DELE1: variants seen among roughly 807,000 people sequenced by gnomAD.
DELE1 encodes DAP3 binding cell death enhancer 1.
A neutral mutation model predicts 59.3 loss-of-function variants in DELE1; 54 were observed. That is an observed-to-expected ratio of 0.91 (90% CI 0.73 to 1.14). DELE1 has a LOEUF of 1.14. Among genes scored for constraint, DELE1 ranks in the 50% most tolerant of loss-of-function variants. The pLI is 0.00. For synonymous variants in DELE1, 264 were observed against 259.1 expected (o/e 1.02, Z -0.18); for missense variants, 636 against 643.9 (o/e 0.99, Z 0.13).
intron 11 of DELE1, among the ~76,000 whole-genome samples, chr5:141,937,770 C>CTAA (rs1752486054): frequency 5.2e-4 from 32 of 61,244 alleles, no homozygotes; most frequent in African/African-American, 1.7e-3. Flanking sequence ...GATTCTGTTT[C>CTAA]AAAAAAAAAA....
rs546789322 is a variant in DELE1 at position 141,928,297 on chromosome 5, C to T, written c.411C>T (p.Ser137=). 3 of 1,613,856 alleles carry T rather than the reference C, an allele frequency of 1.9e-6. No individual in the cohort carries two copies. The African/African-American group carries it at 4.0e-5, about 22-fold the overall frequency. ...FFSSPLWHPC[S]SLRQHILPSP... is the part of the protein sequence containing the mutation. The stretch of plus-strand genomic sequence containing the variant: ...CATCTCCCTTGTGGCACCCATGCTC[C>T]TGTGAGTTCTCAGTCCTGGGGACAG... Residue 137 remains serine, a splice_region_variant and synonymous_variant, in exon 4 of 12, where the codon TCC becomes TCT. Coordinates refer to ENST00000432126, the MANE Select transcript of DELE1 (RefSeq NM_014773.5).
Position 141,940,844 on chromosome 5 carries a change from T to C in DELE1, c.*2085T>C. The C allele has an allele frequency of 2.0e-6, 2 of 985,470 alleles. No individual in the cohort carries two copies. Among genetic ancestry groups the C allele is most frequent in the Non-Finnish European group, 2.4e-6 (2 of 829,942 alleles). The allele number at this position is 985,470 out of a possible 1,614,324, so 61.0% of individuals were successfully genotyped here. A position where few individuals can be genotyped will look rare whatever the true frequency, so the allele number is the denominator to read the frequency against. On this transcript the variant is annotated 3_prime_UTR_variant, in exon 12 of 12. Transcript: ENST00000432126. The stretch of plus-strand genomic sequence containing the variant: ...AAGCTCAGGGTTTTAAGCTGTGCAG[T>C]GCACTAAGCTCTCTGCCAAAAAACA...
Position 141,929,463 on chromosome 5 carries a change from T to G in DELE1, c.413-119T>G, listed in dbSNP as rs1751704774. On this transcript the variant is annotated intron_variant, in intron 4 of 11. Coordinates refer to ENST00000432126, the MANE Select transcript of DELE1 (RefSeq NM_014773.5). ...TGGGGTTTCACCATGTTGGCCAGGC[T>G]GGTCTTGAACTCCTGACCTCAGGTG... 19 of 1,017,310 alleles carry G rather than the reference T, an allele frequency of 1.9e-5. No individual in the cohort carries two copies. In the South Asian group the frequency reaches 2.9e-4, roughly 16 times the overall value. The allele number at this position is 1,017,310 out of a possible 1,614,324, so 63.0% of individuals were successfully genotyped here. A position where few individuals can be genotyped will look rare whatever the true frequency, so the allele number is the denominator to read the frequency against.
At chr5:141,931,064 T>C (rs555148833) in intron 7 of DELE1, among the ~76,000 whole-genome samples, 1 of 152,284 alleles carries the variant, frequency 6.6e-6, no homozygotes, top group East Asian at 1.9e-4. Flanking sequence ...TTGATAGATG[T>C]TATGAAGAAA....
intron 4 of DELE1, among the ~76,000 whole-genome samples, chr5:141,928,729 C>T (rs1283050300): frequency 6.6e-6 from 1 of 152,192 alleles, no homozygotes; most frequent in Non-Finnish European, 1.5e-5. Context: ...CCCAAAATTG[C>T]TGCATACTAG....
chr5:141,930,415 G>A (rs558978648), intron 7 of DELE1, 141 bp downstream of exon 7: 1 of 637,088 alleles, frequency 1.6e-6, no homozygotes. Flanking sequence ...ATCTGGCATG[G>A]CAGGGACCCA....
chr5:141,934,169 A>T, intron 8 of DELE1, 71 bp from the exon 9 acceptor site: 1 of 1,347,338 alleles, frequency 7.4e-7, no homozygotes, highest in Non-Finnish European at 9.9e-7. Context: ...AATAATTTTT[A>T]AAAATTTCAC....
chr5:141,931,286 T>G (rs754481434), intron 7 of DELE1: 1 of 151,790 alleles, frequency 6.6e-6, no homozygotes, highest in Non-Finnish European at 1.5e-5. Context: ...GAAAGGTGAG[T>G]GTGGCTGGAG....
Position 141,928,187 on chromosome 5 carries a change from C to G in DELE1, c.301C>G (p.Gln101Glu). ...CGTGCTGGCCCTGCAGCTGGCAAGG[C>G]AGATCCACTTCCAGGCATCCCTGCC... ...LAVLALQLAR[Q>E]IHFQASLPAG... is the part of the protein sequence containing the mutation. The change falls in exon 4 of 12, where the codon CAG (glutamine) becomes GAG (glutamate). Residue 101 changes from glutamine (Q) to glutamate (E), a missense_variant. Gln to Glu is a conservative substitution (Grantham distance 29). Coordinates refer to ENST00000432126, the MANE Select transcript of DELE1 (RefSeq NM_014773.5). The G allele has an allele frequency of 6.2e-7, 1 of 1,614,166 alleles. No individual in the cohort carries two copies. The highest frequency in any genetic ancestry group is 8.5e-7 in the Non-Finnish European group (1 of 1,180,000).
At position 141,938,706 on chromosome 5, in the gene DELE1, C is replaced by G; in HGVS notation, c.1495C>G (p.Pro499Ala). Residue 499 changes from proline (P) to alanine (A), a missense_variant, in exon 12 of 12, where the codon CCC (proline) becomes GCC (alanine). Physicochemically the swap from Pro to Ala is conservative, Grantham distance 27. Transcript: ENST00000432126. ...CCTGGAAGCCTCCAGCAGGGCTATT[C>G]CCCCACACCCCTACCCACTGGAAAG... ...ASLEASSRAI[P>A]PHPYPLERSV... The G allele has an allele frequency of 6.2e-7, 1 of 1,614,022 alleles. No individual in the cohort carries two copies. The highest frequency in any genetic ancestry group is 8.5e-7 in the Non-Finnish European group (1 of 1,180,010).
rs544260285 is a variant in DELE1 at position 141,939,953 on chromosome 5, C to T, written c.*1194C>T. On this transcript the variant is annotated 3_prime_UTR_variant, in exon 12 of 12. Transcript: ENST00000432126. ...GGGTGAGGACCTGGGCCTCCTGACT[C>T]CTGGCCCAGAGTTCTTGTCCATCAG... 2.1e-5 allele frequency: 20 copies of T among 956,716 alleles called. No homozygotes were observed. Among genetic ancestry groups the T allele is most frequent in the African/African-American group, 1.2e-4 (7 of 56,716 alleles). The allele number at this position is 956,716 out of a possible 1,614,324, so 59.3% of individuals were successfully genotyped here.
Position 141,941,552 on chromosome 5 carries a change from C to T in DELE1, c.*2793C>T. ...TATTAATGACTCATCATCAGTGCCCCAGAGGAAGTGTGAGAGGACGAGAGG... is the reference window on the plus strand; with the variant it reads ...TATTAATGACTCATCATCAGTGCCCTAGAGGAAGTGTGAGAGGACGAGAGG... On this transcript the variant is annotated 3_prime_UTR_variant, in exon 12 of 12. Coordinates refer to ENST00000432126, the MANE Select transcript of DELE1 (RefSeq NM_014773.5). The T allele has an allele frequency of 1.0e-6, 1 of 985,364 alleles. No individual in the cohort carries two copies. The highest frequency in any genetic ancestry group is 4.7e-5 in the South Asian group (1 of 21,288). The allele number at this position is 985,364 out of a possible 1,614,324, so 61.0% of individuals were successfully genotyped here.
Position 141,941,632 on chromosome 5 carries a change from G to T in DELE1, c.*2873G>T, listed in dbSNP as rs746642258. The T allele has an allele frequency of 2.7e-5, 27 of 985,280 alleles. No individual in the cohort carries two copies. Among genetic ancestry groups the T allele is most frequent in the Non-Finnish European group, 3.3e-5 (27 of 829,944 alleles). The allele number at this position is 985,280 out of a possible 1,614,324, so 61.0% of individuals were successfully genotyped here. On this transcript the variant is annotated 3_prime_UTR_variant, in exon 12 of 12. Coordinates refer to ENST00000432126, the MANE Select transcript of DELE1 (RefSeq NM_014773.5). The stretch of plus-strand genomic sequence containing the variant: ...GGGTCAGGATGCTGGGTTAAAGCCC[G>T]GCGCCCTCACCAATGAGACCTTTGT...
chr5:141,941,040 T>C lies in DELE1; in HGVS notation c.*2281T>C. On this transcript the variant is annotated 3_prime_UTR_variant, in exon 12 of 12. Coordinates refer to ENST00000432126, the MANE Select transcript of DELE1 (RefSeq NM_014773.5). Reference sequence around the variant, plus strand: ...CACTGAATTGAGCCCAGAGCCCGTTTCCCTACAGATTGCTTTTGAGCCTTC... The same window carrying C: ...CACTGAATTGAGCCCAGAGCCCGTTCCCCTACAGATTGCTTTTGAGCCTTC... The C allele has an allele frequency of 1.0e-6, 1 of 985,444 alleles. No homozygotes were observed. The highest frequency in any genetic ancestry group is 1.2e-6 in the Non-Finnish European group (1 of 829,936). 61.0% of individuals were successfully genotyped at this position (985,444 alleles called of 1,614,324 possible). A position where few individuals can be genotyped will look rare whatever the true frequency, so the allele number is the denominator to read the frequency against.
At chr5:141,924,998 G>A (rs914767386) in intron 2 of DELE1, among the ~76,000 whole-genome samples, 1 of 151,968 alleles carries the variant, frequency 6.6e-6, no homozygotes, top group African/African-American at 2.4e-5. Flanking sequence ...CGCGATCTTG[G>A]CTCACTGAAA....
rs997556767 is a variant in DELE1 at position 141,939,568 on chromosome 5, G to T, written c.*809G>T. 1 of 985,664 alleles carries T rather than the reference G, an allele frequency of 1.0e-6. No individual in the cohort carries two copies. Among genetic ancestry groups the T allele is most frequent in the Non-Finnish European group, 1.2e-6 (1 of 829,938 alleles). 61.1% of individuals were successfully genotyped at this position (985,664 alleles called of 1,614,324 possible). A position where few individuals can be genotyped will look rare whatever the true frequency, so the allele number is the denominator to read the frequency against. ...TTGACTTTCAGAACTTCTCACCTCAGCCCTAAAGAGGGAGCCTGTGGGTTC... is the reference window on the plus strand; with the variant it reads ...TTGACTTTCAGAACTTCTCACCTCATCCCTAAAGAGGGAGCCTGTGGGTTC... On this transcript the variant is annotated 3_prime_UTR_variant, in exon 12 of 12. Transcript: ENST00000432126.
rs1751218751 is a variant in DELE1, at chr5:141,924,605, G to T, written c.56G>T (p.Ser19Ile). ...GRALPRTLGPSLWRVTPKSTS... is the reference protein window; with the variant it reads ...GRALPRTLGPILWRVTPKSTS... ...GCTCTTCCCCGTACACTGGGACCTA[G>T]CCTCTGGAGGGTGACTCCTAAGTCC... The change falls in exon 2 of 12, where the codon AGC (serine) becomes ATC (isoleucine). Residue 19 changes from serine (S) to isoleucine (I), a missense_variant. Physicochemically the swap from Ser to Ile is moderately radical, Grantham distance 142. Coordinates refer to ENST00000432126, the MANE Select transcript of DELE1 (RefSeq NM_014773.5). The T allele has an allele frequency of 6.2e-7, 1 of 1,613,692 alleles. No homozygotes were observed. The highest frequency in any genetic ancestry group is 1.7e-5 in the Admixed American group (1 of 60,018).
Position 141,939,063 on chromosome 5 carries a change from C to G in DELE1, c.*304C>G. ...CCCTGGTGCTCACCTTAGCCTTTGT[C>G]TTTGAGCAAATAACTTACCTTCTTC... is the stretch of plus-strand genomic sequence containing the variant. On this transcript the variant is annotated 3_prime_UTR_variant, in exon 12 of 12. Coordinates refer to ENST00000432126, the MANE Select transcript of DELE1 (RefSeq NM_014773.5). 1 of 1,123,958 alleles carries G rather than the reference C, an allele frequency of 8.9e-7. No homozygotes were observed. Among genetic ancestry groups the G allele is most frequent in the South Asian group, 3.3e-5 (1 of 30,412 alleles). 69.6% of individuals were successfully genotyped at this position (1,123,958 alleles called of 1,614,324 possible).
At chr5:141,924,728 C>T in intron 2 of DELE1, 33 bp downstream of exon 2, 1 of 1,283,076 alleles carries the variant, frequency 7.8e-7, no homozygotes, top group Non-Finnish European at 1.1e-6. Context: ...CTCATTTCCT[C>T]CCCTAGTCAC....
Sources: gnomAD v4.1 joint callset for allele counts (sites outside exome capture counted in the v4.1 genomes callset) on GRCh38, gnomAD v4.1.1 for gene constraint, MANE v1.5 for transcripts, NCBI Gene and HGNC (gene_info 2026-07-23, HGNC 2026-07-21) for gene names.